NRG1: variants seen among roughly 807,000 people sequenced by gnomAD.
NRG1 encodes neuregulin 1, also known as pro-neuregulin-1, membrane-bound isoform.
Under a neutral mutation model 63.8 loss-of-function variants are expected in NRG1, and 18 were observed. That is an observed-to-expected ratio of 0.28 (90% confidence interval 0.19 to 0.42). The LOEUF (loss-of-function observed/expected upper bound fraction) is 0.42, where lower values mean the gene tolerates loss of function less well. Among genes scored for constraint, NRG1 ranks in the 10% least tolerant of loss-of-function variants. NRG1 has a pLI of 1.00. For synonymous variants in NRG1, 302 were observed against 301.3 expected (o/e 1.00, Z -0.02); for missense variants, 762 against 814.7 (o/e 0.94, Z 0.79).
chr8:32,003,705 G>A (rs1234227636), intron 1 of NRG1, among the ~76,000 whole-genome samples: 1 of 151,756 alleles, frequency 6.6e-6, no homozygotes, highest in African/African-American at 2.4e-5. Context: ...CCAAATTTGA[G>A]GGTTTCATAA....
chr8:32,718,150 G>T (rs563005404), intron 5 of NRG1, among the ~76,000 whole-genome samples: 1 of 152,250 alleles, frequency 6.6e-6, no homozygotes, highest in African/African-American at 2.4e-5. Context: ...TAGTGTTACC[G>T]GTGAGTATTG....
chr8:32,231,622 T>G lies in NRG1; in HGVS notation c.38-364206T>G, dbSNP rs377182477. Among the ~76,000 whole-genome samples, 36 of 152,082 alleles carry G rather than the reference T, an allele frequency of 2.4e-4. 1 individual carries two copies. The highest frequency in any genetic ancestry group is 8.5e-4 in the Admixed American group (13 of 15,264). On this transcript the variant is annotated intron_variant, in intron 1 of 10. Transcript: ENST00000519301. Reference sequence around the variant, plus strand: ...CTTTAAATTAAAGTTGTTTTTCAGCTGGGCACAGTGGCTCACACCTGTAAT... The same window carrying G: ...CTTTAAATTAAAGTTGTTTTTCAGCGGGGCACAGTGGCTCACACCTGTAAT...
intron 1 of NRG1, among the ~76,000 whole-genome samples, chr8:31,903,210 G>A (rs897210562): frequency 7.4e-5 from 11 of 147,980 alleles, no homozygotes; most frequent in Non-Finnish European, 8.9e-5. Flanking sequence ...GTGCAGTGGC[G>A]CAATCTCGGC....
At chr8:32,202,940 CT>C (rs1843643684) in intron 1 of NRG1, among the ~76,000 whole-genome samples, 1 of 151,756 alleles carries the variant, frequency 6.6e-6, no homozygotes, top group South Asian at 2.1e-4. Flanking sequence ...GGCTGCAGGT[CT>C]ACGCTTGAGG....
chr8:31,932,234 T>C (rs1182994979), intron 1 of NRG1, among the ~76,000 whole-genome samples: 1 of 152,206 alleles, frequency 6.6e-6, no homozygotes, highest in African/African-American at 2.4e-5. Context: ...TCGTAAATAA[T>C]GGCATATTTT....
intron 1 of NRG1, among the ~76,000 whole-genome samples, chr8:32,450,846 T>C (rs1225250635): frequency 6.6e-6 from 1 of 152,178 alleles, no homozygotes; most frequent in Non-Finnish European, 1.5e-5. Context: ...TGCAGTGCTT[T>C]TTTGTTCACT....
intron 5 of NRG1, among the ~76,000 whole-genome samples, chr8:32,622,336 C>T (rs77994780): frequency 0.013 from 2,039 of 152,210 alleles, 48 homozygotes; most frequent in African/African-American, 0.047. Context: ...TAATTTTAAA[C>T]AAATTATGTG....
At chr8:32,403,877 T>A (rs1813573713) in intron 1 of NRG1, among the ~76,000 whole-genome samples, 1 of 152,182 alleles carries the variant, frequency 6.6e-6, no homozygotes, top group African/African-American at 2.4e-5. Flanking sequence ...CAGTAAATTC[T>A]CCCTTCTCTC....
chr8:31,893,710 G>A (rs569895726), intron 1 of NRG1, among the ~76,000 whole-genome samples: 1 of 151,868 alleles, frequency 6.6e-6, no homozygotes, highest in African/African-American at 2.4e-5. Context: ...GTCTTTAAAG[G>A]CTAATATTAA....
intron 5 of NRG1, among the ~76,000 whole-genome samples, chr8:32,726,786 AG>A (rs1257048375): frequency 6.6e-6 from 1 of 152,208 alleles, no homozygotes; most frequent in African/African-American, 2.4e-5. Flanking sequence ...AAAGTAAACA[AG>A]GTCATATGAA....
At chr8:32,157,358 C>CAA (rs11434397) in intron 1 of NRG1, among the ~76,000 whole-genome samples, 7,322 of 58,206 alleles carry the variant, frequency 0.13, 562 homozygotes, top group East Asian at 0.33. Flanking sequence ...GACTCTGTCT[C>CAA]AAAAAAAAAA....
At chr8:31,915,771 T>G (rs1001737894) in intron 1 of NRG1, among the ~76,000 whole-genome samples, 1 of 152,130 alleles carries the variant, frequency 6.6e-6, no homozygotes, top group African/African-American at 2.4e-5. Context: ...AGCAGCTCAT[T>G]GGAGATGACA....
At chr8:31,869,095 G>GATA (rs1477937703) in intron 1 of NRG1, among the ~76,000 whole-genome samples, 1 of 152,204 alleles carries the variant, frequency 6.6e-6, no homozygotes, top group African/African-American at 2.4e-5. Flanking sequence ...TATCTTTGAT[G>GATA]ATAAGGCTGG....
rs59231176 is a variant in NRG1, at chr8:32,343,625, G to A, written c.38-252203G>A. 7.4e-3 allele frequency among the ~76,000 whole-genome samples: 1,125 copies of A among 152,280 alleles called. 19 individuals are homozygous for A. The highest frequency in any genetic ancestry group is 0.026 in the African/African-American group (1,068 of 41,564). ...TATGTCAGCTCGAAGTAAAAGGGGA[G>A]GTGGTAGTGGTGAATCTGTTTTTAT... On this transcript the variant is annotated intron_variant, in intron 1 of 10. Coordinates refer to the NRG1 transcript ENST00000519301.
intron 1 of NRG1, among the ~76,000 whole-genome samples, chr8:31,686,134 TA>T (rs1247271563): frequency 6.6e-6 from 1 of 152,200 alleles, no homozygotes; most frequent in East Asian, 1.9e-4. Flanking sequence ...TAAAACTAAC[TA>T]CATTTCTGTT....
At chr8:31,665,908 C>T (rs1223178444) in intron 1 of NRG1, among the ~76,000 whole-genome samples, 2 of 152,134 alleles carry the variant, frequency 1.3e-5, no homozygotes, top group Non-Finnish European at 2.9e-5. Context: ...TTCAGTTACA[C>T]CGCTACTGCC....
chr8:32,231,060 C>G (rs1489954352), intron 1 of NRG1, among the ~76,000 whole-genome samples: 1 of 152,032 alleles, frequency 6.6e-6, no homozygotes, highest in Non-Finnish European at 1.5e-5. Context: ...AACCATCATT[C>G]TATTATCTAT....
chr8:31,708,874 G>T (rs969121102), intron 1 of NRG1, among the ~76,000 whole-genome samples: 3 of 152,144 alleles, frequency 2.0e-5, no homozygotes, highest in African/African-American at 7.2e-5. Context: ...CCAAACCCCA[G>T]TGCTGTTGAA....
At chr8:32,032,397 G>T (rs1818402008) in intron 1 of NRG1, among the ~76,000 whole-genome samples, 1 of 152,084 alleles carries the variant, frequency 6.6e-6, no homozygotes, top group Admixed American at 6.6e-5. Flanking sequence ...CGAAGTAGCT[G>T]GGATTATAGG....
Sources: allele counts gnomAD v4.1 joint callset (sites outside exome capture counted in the v4.1 genomes callset), GRCh38; gene constraint gnomAD v4.1.1; transcripts MANE v1.5; gene names NCBI Gene and HGNC (gene_info 2026-07-23, HGNC 2026-07-21).